Variants in MDGA1 observed in about 807,000 individuals in gnomAD.
MDGA1 encodes the protein MAM domain containing glycosylphosphatidylinositol anchor 1.
In MDGA1, 54 loss-of-function variants were observed where a neutral mutation model predicts 101.5. That is an observed-to-expected ratio of 0.53 (90% CI 0.43 to 0.67). The LOEUF (loss-of-function observed/expected upper bound fraction) is 0.67, where lower values mean the gene tolerates loss of function less well. Ranked by LOEUF, MDGA1 falls within the 30% of genes least tolerant of loss-of-function variation. The probability of loss-of-function intolerance (pLI) is 0.00; values close to 1 mark genes in which losing one functional copy is unlikely to be tolerated. For synonymous variants in MDGA1, 533 were observed against 558.3 expected, an observed-to-expected ratio of 0.95 and a Z score of 0.64; for missense variants, 1,083 against 1,323.8, an observed-to-expected ratio of 0.82 and a Z score of 2.82.
At chr6:37,684,524 C>T (rs761193046) in intron 1 of MDGA1, among the ~76,000 whole-genome samples, 70 of 152,234 alleles carry the variant, frequency 4.6e-4, no homozygotes, top group Non-Finnish European at 6.2e-4. Context: ...GGAGGTGACA[C>T]AGGAGAATGA....
In MDGA1 at chr6:37,684,837, G is replaced by A. The variant is rs1762164128; in HGVS notation, c.67+11908C>T. Among the ~76,000 whole-genome samples, 2 of 152,232 alleles carry A rather than the reference G, an allele frequency of 1.3e-5. 1 individual carries two copies. Among genetic ancestry groups the A allele is most frequent in the South Asian group, 4.1e-4 (2 of 4,824 alleles). ...CTTCAGCTTGCCTTATGGGCTTTAT[G>A]TATCTTGCCAGAAGGTAACCTGGCC... On this transcript the variant is annotated intron_variant, in intron 1 of 16. Transcript: ENST00000434837.
In MDGA1 at chr6:37,681,259, C is replaced by G. The variant is rs553214207; in HGVS notation, c.67+15486G>C. Among the ~76,000 whole-genome samples the G allele has an allele frequency of 1.1e-4, 17 of 152,302 alleles. No individual in the cohort carries two copies. In the South Asian group the frequency reaches 1.7e-3, roughly 15 times the overall value. On this transcript the variant is annotated intron_variant, in intron 1 of 16. Coordinates refer to ENST00000434837, the MANE Select transcript of MDGA1 (RefSeq NM_153487.4). ...GGACTGCTAATAGACTCAGGAGAAG[C>G]TGCTAGATCAATCGAGGCCAGGAAA...
chr6:37,687,317 A>G (rs1251004936), intron 1 of MDGA1, among the ~76,000 whole-genome samples: 1 of 151,330 alleles, frequency 6.6e-6, no homozygotes, highest in Non-Finnish European at 1.5e-5. Flanking sequence ...GCACTTTGAG[A>G]GGCCAAGGTG....
intron 1 of MDGA1, among the ~76,000 whole-genome samples, chr6:37,686,325 A>G (rs1762196032): frequency 6.7e-6 from 1 of 148,802 alleles, no homozygotes; most frequent in Admixed American, 6.7e-5. Flanking sequence ...AGGGTTCCCA[A>G]CCTTTGCTGC....
chr6:37,642,266 A>C (rs1375192447), intron 14 of MDGA1, among the ~76,000 whole-genome samples: 3 of 139,196 alleles, frequency 2.2e-5, no homozygotes, highest in Non-Finnish European at 4.5e-5. Flanking sequence ...GGCAACCTCC[A>C]CCTCCTGGGT....
chr6:37,655,128 G>A lies in MDGA1; in HGVS notation c.580-196C>T. 1 of 644,120 alleles carries A rather than the reference G, an allele frequency of 1.6e-6. No homozygotes were observed. The highest frequency in any genetic ancestry group is 2.6e-6 in the Non-Finnish European group (1 of 380,618). The allele number at this position is 644,120 out of a possible 1,614,324, so 39.9% of individuals were successfully genotyped here. On this transcript the variant is annotated intron_variant, in intron 4 of 16. Coordinates refer to ENST00000434837, the MANE Select transcript of MDGA1 (RefSeq NM_153487.4). This position sits in a 1 kb window ranked among gnomAD's most constrained non-coding sequence, Gnocchi z 5.1. ...TGCTACACTCTCCATAGCCTTGGCA[G>A]TGCCTCATCATGGGATTCTCTGGGT...
Position 37,658,258 on chromosome 6 carries a change from G to C in MDGA1, c.369C>G (p.Arg123=). 2 of 1,601,384 alleles carry C rather than the reference G, an allele frequency of 1.2e-6. No individual in the cohort carries two copies. The highest frequency in any genetic ancestry group is 1.7e-6 in the Non-Finnish European group (2 of 1,173,772). ...GVGVPAIKSI[R]VDVQYLDEPM... ...GCCTCAACTCACACTGCACGTCCAC[G>C]CGGATGGACTTGATGGCCGGCACCC... Residue 123 remains arginine (R), a synonymous_variant, in exon 3 of 17, where the codon CGC becomes CGG. Coordinates refer to ENST00000434837, the MANE Select transcript of MDGA1 (RefSeq NM_153487.4).
At chr6:37,646,028 C>T (rs780682487) in intron 11 of MDGA1, 72 bp from the exon 12 acceptor site, 2 of 1,606,580 alleles carry the variant, frequency 1.2e-6, no homozygotes, top group East Asian at 4.5e-5. Flanking sequence ...CTGCTTGGGA[C>T]CAGAGGACAG....
In MDGA1 at chr6:37,641,048, G is replaced by C. The variant is rs185185551; in HGVS notation, c.2537-2381C>G. Reference sequence around the variant, plus strand: ...GCTCCTCTGCCTGGCTTTGCCATGGGGGACAGGGTGTTTCTTGCTATCCTA... The same window carrying C: ...GCTCCTCTGCCTGGCTTTGCCATGGCGGACAGGGTGTTTCTTGCTATCCTA... On this transcript the variant is annotated intron_variant, in intron 14 of 16. Transcript: ENST00000434837. Among the ~76,000 whole-genome samples the C allele has an allele frequency of 5.6e-4, 86 of 152,260 alleles. 1 individual carries two copies. In the East Asian group the frequency reaches 0.011, roughly 20 times the overall value.
Position 37,647,176 on chromosome 6 carries a change from G to C in MDGA1, c.2043C>G (p.Arg681=). 6.3e-7 allele frequency: 1 copy of C among 1,593,758 alleles called. No individual in the cohort carries two copies. The highest frequency in any genetic ancestry group is 8.5e-7 in the Non-Finnish European group (1 of 1,170,432). Reference sequence around the variant, plus strand: ...CCCCCGCTCCCCCTTGGCCCACCTGGCGGATGCTGAGTCTGTAGTTGAGCA... The same window carrying C: ...CCCCCGCTCCCCCTTGGCCCACCTGCCGGATGCTGAGTCTGTAGTTGAGCA... ...DPVLNYRLSI[R]QLNQHNAVVK... is the part of the protein sequence containing the mutation. Residue 681 remains arginine, a synonymous_variant, in exon 10 of 17, where the codon CGC becomes CGG. Transcript: ENST00000434837.
rs775824107 is a variant in MDGA1, at chr6:37,650,150, T to G, written c.1568A>C (p.Asn523Thr). Reference sequence around the variant, plus strand: ...CACCTGGGCCTCACGGGGGCGCACGTTGAAGCCATTATAGCGGGCCGTCTG... The same window carrying G: ...CACCTGGGCCTCACGGGGGCGCACGGTGAAGCCATTATAGCGGGCCGTCTG... ...RCQTARYNGF[N>T]VRPREAQVQL... The change falls in exon 8 of 17, where the codon AAC becomes ACC. Residue 523 changes from asparagine (N) to threonine (T), a missense_variant. Around this residue, in one of 3 missense-constraint regions of MDGA1, gnomAD observed 657 missense variants for 771.4 expected, o/e 0.85. Coordinates refer to ENST00000434837, the MANE Select transcript of MDGA1 (RefSeq NM_153487.4). 2 of 1,609,016 alleles carry G rather than the reference T, an allele frequency of 1.2e-6. No homozygotes were observed. Among genetic ancestry groups the G allele is most frequent in the African/African-American group, 2.7e-5 (2 of 74,834 alleles).
chr6:37,675,486 T>G (rs138784631), intron 1 of MDGA1, among the ~76,000 whole-genome samples: 52 of 152,288 alleles, frequency 3.4e-4, no homozygotes, highest in African/African-American at 1.2e-3. Context: ...TTCCAAAGTC[T>G]TGCAAGAAAA....
chr6:37,635,186 A>C lies in MDGA1; in HGVS notation c.*2182T>G. ...CCTCTGAGGTGGGAACCAAGCAGCA[A>C]TACTTTTTAAAGGACTCTGGTGGTT... On this transcript the variant is annotated 3_prime_UTR_variant, in exon 17 of 17. Transcript: ENST00000434837. The C allele has an allele frequency of 3.1e-6, 1 of 327,832 alleles. No homozygotes were observed. The highest frequency in any genetic ancestry group is 5.5e-6 in the Non-Finnish European group (1 of 181,268). 20.3% of individuals were successfully genotyped at this position (327,832 alleles called of 1,614,324 possible).
chr6:37,652,272 G>A lies in MDGA1; in HGVS notation c.1051C>T (p.Gln351Ter). 6.2e-7 allele frequency: 1 copy of A among 1,613,978 alleles called. No individual in the cohort carries two copies. Among genetic ancestry groups the A allele is most frequent in the Non-Finnish European group, 8.5e-7 (1 of 1,179,888 alleles). Residue 351 changes from glutamine to a stop codon, truncating the protein, a stop_gained, in exon 7 of 17, where the codon CAG becomes TAG. Transcript: ENST00000434837. LOFTEE classifies it high-confidence loss of function. This position sits in a 1 kb window ranked among gnomAD's most constrained non-coding sequence, Gnocchi z 4.3. ...ACGTGGCACGATAGCTTCAGGTCCT[G>A]GCCCAGCTGGATGTTCTCACTCTCT... Reference protein sequence around the residue: ...IKESENIQLGQDLKLSCHVDA... With the variant: ...IKESENIQLG
chr6:37,649,831 C>G (rs1180950739), intron 8 of MDGA1: 4 of 653,106 alleles, frequency 6.1e-6, no homozygotes. Context: ...GTCCTTCCTC[C>G]TCCTTCAAAA....
intron 1 of MDGA1, among the ~76,000 whole-genome samples, chr6:37,693,182 T>G (rs1762349691): frequency 6.6e-6 from 1 of 152,192 alleles, no homozygotes; most frequent in Non-Finnish European, 1.5e-5. Context: ...AAGCCTCTGT[T>G]AGCCCCAGGA....
Position 37,697,282 on chromosome 6 carries a change from A to C in MDGA1, c.-471T>G. 1 of 155,138 alleles carries C rather than the reference A, an allele frequency of 6.4e-6. No homozygotes were observed. Among genetic ancestry groups the C allele is most frequent in the Non-Finnish European group, 1.4e-5 (1 of 69,994 alleles). The allele number at this position is 155,138 out of a possible 1,614,324, so 9.6% of individuals were successfully genotyped here. On this transcript the variant is annotated 5_prime_UTR_variant, in exon 1 of 17. Coordinates refer to ENST00000434837, the MANE Select transcript of MDGA1 (RefSeq NM_153487.4). ...GGAGGCCGGGGCTCCGCTCGAGTTA[A>C]TCAATCTGCTGTTTCCAGTCCTGCG...
At chr6:37,645,775 G>T (rs1581848091) in intron 12 of MDGA1, among the ~76,000 whole-genome samples, 158 bp downstream of exon 12, 1 of 152,118 alleles carries the variant, frequency 6.6e-6, no homozygotes, top group South Asian at 2.1e-4. Context: ...GCCCAACCCT[G>T]CTTCTCCTTC....
rs1761460377 is a variant in MDGA1, at chr6:37,655,362, C to T, written c.579+338G>A. 3 of 339,446 alleles carry T rather than the reference C, an allele frequency of 8.8e-6. No individual in the cohort carries two copies. Among genetic ancestry groups the T allele is most frequent in the African/African-American group, 2.1e-5 (1 of 48,428 alleles). The allele number at this position is 339,446 out of a possible 1,614,324, so 21.0% of individuals were successfully genotyped here. On this transcript the variant is annotated intron_variant, in intron 4 of 16. Transcript: ENST00000434837. This position sits in a 1 kb window ranked among gnomAD's most constrained non-coding sequence, Gnocchi z 5.1. ...CATGGGAAGAGGAGTCATCTCCTCG[C>T]CCCCAGATCCTGCTGTGCCTGGCCA...
Sources: allele counts gnomAD v4.1 joint callset (sites outside exome capture counted in the v4.1 genomes callset), GRCh38; gene constraint gnomAD v4.1.1; regional missense constraint gnomAD v4.1.1; non-coding constraint Gnocchi (gnomAD v3.1); transcripts MANE v1.5; gene names NCBI Gene and HGNC (gene_info 2026-07-23, HGNC 2026-07-21).